Variants in PALLD observed in about 807,000 individuals in gnomAD.
PALLD encodes the protein palladin.
Under a neutral mutation model 123.5 loss-of-function variants are expected in PALLD, and 61 were observed. That is an observed-to-expected ratio of 0.49 (90% CI 0.40 to 0.61). PALLD has a LOEUF of 0.61. PALLD is among the 20% of genes least tolerant of loss of function. PALLD has a pLI of 0.00. For synonymous variants in PALLD, 465 were observed against 496.4 expected (o/e 0.94, Z 0.84); for missense variants, 1,273 against 1,377.0 (o/e 0.92, Z 1.20).
chr4:168,693,948 A>C (rs989222960), intron 8 of PALLD, among the ~76,000 whole-genome samples: 2 of 152,244 alleles, frequency 1.3e-5, no homozygotes, highest in African/African-American at 4.8e-5. Context: ...TGTGAGTAAG[A>C]ACTTCAGAAC....
Position 168,625,506 on chromosome 4 carries a change from T to TAGATAGATAGATAGATAG in PALLD, c.909-42683_909-42682insGATAGATAGATAGATAGA, listed in dbSNP as rs1351750406. Reference sequence around the variant, plus strand: ...ATAAGGGATTAATATCCAGGAGATATATATATATATATCCTATAAGGGGTT... The same window carrying TAGATAGATAGATAGATAG: ...ATAAGGGATTAATATCCAGGAGATATAGATAGATAGATAGATAGATATATATATATCCTATAAGGGGTT... On this transcript the variant is annotated intron_variant, in intron 2 of 21. Transcript: ENST00000505667. Among the ~76,000 whole-genome samples the TAGATAGATAGATAGATAG allele has an allele frequency of 1.1e-3, 92 of 86,240 alleles. 6 individuals carry two copies. The highest frequency in any genetic ancestry group is 4.3e-3 in the Admixed American group (31 of 7,262). 56.6% of individuals were successfully genotyped at this position (86,240 alleles called of 152,430 possible).
At chr4:168,877,274 A>G (rs879342510) in intron 10 of PALLD, among the ~76,000 whole-genome samples, 5 of 152,248 alleles carry the variant, frequency 3.3e-5, no homozygotes, top group Non-Finnish European at 5.9e-5. Flanking sequence ...GGACTAACGT[A>G]AATCTGCCAA....
rs75905366 is a variant in PALLD at position 168,618,440 on chromosome 4, C to T, written c.909-49750C>T. Among the ~76,000 whole-genome samples the T allele has an allele frequency of 5.9e-3, 902 of 152,194 alleles. 7 individuals are homozygous for T. Among genetic ancestry groups the T allele is most frequent in the African/African-American group, 0.02 (834 of 41,516 alleles). The stretch of plus-strand genomic sequence containing the variant: ...GATCTGGGTAGAGAAGCTTTGGGCA[C>T]GATCATCTCCAGTTGCTGACTTTCT... On this transcript the variant is annotated intron_variant, in intron 2 of 21. Transcript: ENST00000505667.
intron 10 of PALLD, among the ~76,000 whole-genome samples, chr4:168,742,733 TGCATCTAGTG>T (rs1466218451): frequency 5.3e-5 from 8 of 152,220 alleles, no homozygotes; most frequent in African/African-American, 1.9e-4. Context: ...TGGGTGTATT[TGCATCTAGTG>T]GCAATCATAT....
At chr4:168,646,818 A>C (rs374958290) in intron 2 of PALLD, among the ~76,000 whole-genome samples, 1 of 152,222 alleles carries the variant, frequency 6.6e-6, no homozygotes, top group Non-Finnish European at 1.5e-5. Flanking sequence ...AAGTCTCATC[A>C]CTCAAGAATA....
intron 2 of PALLD, among the ~76,000 whole-genome samples, chr4:168,551,069 T>G (rs1405861740): frequency 1.3e-5 from 2 of 152,222 alleles, no homozygotes; most frequent in African/African-American, 4.8e-5. Context: ...TGTTACATTA[T>G]AATTTTTATA....
chr4:168,646,505 CCT>C (rs1777471169), intron 2 of PALLD, among the ~76,000 whole-genome samples: 1 of 152,134 alleles, frequency 6.6e-6, no homozygotes, highest in Non-Finnish European at 1.5e-5. Context: ...ACCACCCACC[CCT>C]GTGACATTCC....
At chr4:168,521,331 C>T (rs921641914) in intron 2 of PALLD, among the ~76,000 whole-genome samples, 1 of 152,224 alleles carries the variant, frequency 6.6e-6, no homozygotes, top group African/African-American at 2.4e-5. Flanking sequence ...GGCTCCATCA[C>T]GCATCAGTTA....
intron 8 of PALLD, among the ~76,000 whole-genome samples, chr4:168,696,663 C>T (rs535985005): frequency 6.6e-6 from 1 of 150,458 alleles, no homozygotes; most frequent in Non-Finnish European, 1.5e-5. Flanking sequence ...ATCATTCCAC[C>T]CAAGAAATAA....
At chr4:168,540,671 G>A (rs954202039) in intron 2 of PALLD, among the ~76,000 whole-genome samples, 5 of 151,848 alleles carry the variant, frequency 3.3e-5, no homozygotes, top group Non-Finnish European at 7.4e-5. Flanking sequence ...GCTTTTTAAT[G>A]AGTCATTAGC....
chr4:168,515,216 G>A (rs183081320), intron 2 of PALLD, among the ~76,000 whole-genome samples: 15 of 152,280 alleles, frequency 9.9e-5, no homozygotes, highest in African/African-American at 2.6e-4. Flanking sequence ...TGCACCAGAC[G>A]CCTAAGAACA....
intron 10 of PALLD, among the ~76,000 whole-genome samples, chr4:168,848,766 G>A (rs534536121): frequency 1.1e-4 from 17 of 152,110 alleles, no homozygotes; most frequent in Non-Finnish European, 2.1e-4. Context: ...CTTTTGCAAC[G>A]TCATAAGATG....
chr4:168,821,695 G>A (rs193116352), intron 10 of PALLD, among the ~76,000 whole-genome samples: 31 of 151,858 alleles, frequency 2.0e-4, no homozygotes, highest in African/African-American at 7.0e-4. Flanking sequence ...GGCCAAAATG[G>A]TGAAACCTCG....
At chr4:168,892,707 G>A (rs770418991) in intron 11 of PALLD, among the ~76,000 whole-genome samples, 35 of 151,634 alleles carry the variant, frequency 2.3e-4, no homozygotes, top group Non-Finnish European at 4.4e-4. Flanking sequence ...TTTCAAGCCA[G>A]GTAAGGCATC....
chr4:168,628,657 G>A (rs966276354), intron 2 of PALLD, among the ~76,000 whole-genome samples: 2 of 152,102 alleles, frequency 1.3e-5, no homozygotes, highest in Non-Finnish European at 1.5e-5. Flanking sequence ...GCCCCTGGCC[G>A]CTCCGTTTTA....
intron 2 of PALLD, among the ~76,000 whole-genome samples, chr4:168,569,087 C>T (rs1006843723): frequency 6.6e-6 from 1 of 152,064 alleles, no homozygotes; most frequent in Non-Finnish European, 1.5e-5. Context: ...TCTGTAGCAG[C>T]TCTACAGATG....
intron 10 of PALLD, among the ~76,000 whole-genome samples, chr4:168,853,553 A>G (rs1748115854): frequency 6.6e-6 from 1 of 152,178 alleles, no homozygotes; most frequent in African/African-American, 2.4e-5. Flanking sequence ...GCCTGAGGAA[A>G]GAGCCTCAGG....
chr4:168,528,556 T>C (rs1219558790), intron 2 of PALLD, among the ~76,000 whole-genome samples: 2 of 152,230 alleles, frequency 1.3e-5, no homozygotes, highest in Non-Finnish European at 2.9e-5. Context: ...TCGCAAGCTC[T>C]GTAGGGTAGG....
chr4:168,523,430 G>A (rs1763758320), intron 2 of PALLD, among the ~76,000 whole-genome samples: 1 of 152,168 alleles, frequency 6.6e-6, no homozygotes, highest in African/African-American at 2.4e-5. Flanking sequence ...AATTGTGTTA[G>A]TGCAAAGAGA....
Sources: allele counts gnomAD v4.1 joint callset (sites outside exome capture counted in the v4.1 genomes callset), GRCh38; gene constraint gnomAD v4.1.1; transcripts MANE v1.5; gene names NCBI Gene and HGNC (gene_info 2026-07-23, HGNC 2026-07-21).